The following ERC2 variants were observed in gnomAD, a reference collection of about 807,000 sequenced individuals.
ERC2 encodes the protein ERC protein 2.
Under a neutral mutation model 114.8 loss-of-function variants are expected in ERC2, and 42 were observed. That is an observed-to-expected ratio of 0.37 (90% confidence interval 0.29 to 0.47). ERC2 has a LOEUF of 0.47. ERC2 is among the 20% of genes least tolerant of loss of function. The pLI, the probability that ERC2 is intolerant of heterozygous loss-of-function variation, is 0.99. For missense variants in ERC2, 939 were observed against 1,150.7 expected (o/e 0.82, Z 2.66); for synonymous variants, 454 against 425.5 (o/e 1.07, Z -0.82).
chr3:55,704,140 T>C (rs1016387523), intron 15 of ERC2, among the ~76,000 whole-genome samples: 1 of 152,192 alleles, frequency 6.6e-6, no homozygotes, highest in Non-Finnish European at 1.5e-5. Context: ...TGTGAAAAGG[T>C]GCCAGATACT....
At chr3:55,926,991 T>A (rs889524300) in intron 13 of ERC2, among the ~76,000 whole-genome samples, 1 of 152,196 alleles carries the variant, frequency 6.6e-6, no homozygotes, top group Admixed American at 6.5e-5. Flanking sequence ...TTACTAGCAA[T>A]GCCAGAAATA....
At chr3:56,207,373 C>T (rs1230217406) in intron 3 of ERC2, among the ~76,000 whole-genome samples, 1 of 152,114 alleles carries the variant, frequency 6.6e-6, no homozygotes, top group Non-Finnish European at 1.5e-5. Flanking sequence ...ATTACCTTCA[C>T]TCAGTCTCTT....
At chr3:56,402,595 G>C (rs967665273) in intron 2 of ERC2, among the ~76,000 whole-genome samples, 4 of 152,176 alleles carry the variant, frequency 2.6e-5, no homozygotes, top group African/African-American at 4.8e-5. Context: ...ACAGTGATTA[G>C]GGTCCATCTC....
rs2070066114 is a variant in ERC2, at chr3:55,980,789, TTGG to T, written c.2267+5185_2267+5187del. 2.6e-5 allele frequency among the ~76,000 whole-genome samples: 4 copies of T among 152,236 alleles called. No homozygotes were observed. The South Asian group carries it at 8.3e-4, about 32-fold the overall frequency. On this transcript the variant is annotated intron_variant, in intron 12 of 17. Transcript: ENST00000288221. ...AGATGAATGATTAACTCTTACCGACTTGGTATCTCTTATTCTGGGTCATGACTT... is the reference window on the plus strand; with the variant it reads ...AGATGAATGATTAACTCTTACCGACTTATCTCTTATTCTGGGTCATGACTT...
intron 5 of ERC2, among the ~76,000 whole-genome samples, chr3:56,146,763 G>A (rs2081162920): frequency 6.6e-6 from 1 of 152,118 alleles, no homozygotes. Context: ...CTATACAGCT[G>A]GCAAAGGCAG....
intron 14 of ERC2, among the ~76,000 whole-genome samples, chr3:55,815,512 G>A (rs1168737768): frequency 2.0e-5 from 3 of 152,154 alleles, no homozygotes; most frequent in African/African-American, 7.2e-5. Context: ...ACACAAGAAG[G>A]CAATCAATTC....
At chr3:55,811,735 C>T (rs2059727121) in intron 14 of ERC2, among the ~76,000 whole-genome samples, 1 of 152,188 alleles carries the variant, frequency 6.6e-6, no homozygotes, top group Non-Finnish European at 1.5e-5. Context: ...TCTGACTATG[C>T]ACCCCCAAGG....
intron 7 of ERC2, among the ~76,000 whole-genome samples, chr3:56,049,981 G>C (rs191819310): frequency 6.6e-6 from 1 of 152,062 alleles, no homozygotes. Context: ...CATATCTATG[G>C]GTCCATTTAT....
intron 2 of ERC2, among the ~76,000 whole-genome samples, chr3:56,373,382 A>T (rs1175250832): frequency 6.6e-6 from 1 of 152,206 alleles, no homozygotes; most frequent in Non-Finnish European, 1.5e-5. Context: ...ATAAGCTAAA[A>T]AGAAGGAGGA....
At chr3:56,218,257 A>G (rs531100841) in intron 3 of ERC2, among the ~76,000 whole-genome samples, 1 of 152,340 alleles carries the variant, frequency 6.6e-6, no homozygotes, top group African/African-American at 2.4e-5. Flanking sequence ...AAGGGCTAAT[A>G]TCCAGAATCT....
At chr3:55,868,288 T>G (rs1416326567) in intron 14 of ERC2, among the ~76,000 whole-genome samples, 1 of 152,158 alleles carries the variant, frequency 6.6e-6, no homozygotes, top group Non-Finnish European at 1.5e-5. Flanking sequence ...TCTCCAGATG[T>G]GGAGTGAGTG....
intron 17 of ERC2, among the ~76,000 whole-genome samples, chr3:55,631,138 G>A (rs2059741006): frequency 6.6e-6 from 1 of 152,054 alleles, no homozygotes; most frequent in African/African-American, 2.4e-5. Flanking sequence ...ACACCACATT[G>A]CGAGTAAATT....
At chr3:56,085,978 T>C (rs1425474237) in intron 6 of ERC2, among the ~76,000 whole-genome samples, 1 of 151,962 alleles carries the variant, frequency 6.6e-6, no homozygotes, top group Admixed American at 6.6e-5. Flanking sequence ...ATATGGGAGG[T>C]AGTGAGTGGT....
intron 6 of ERC2, among the ~76,000 whole-genome samples, chr3:56,139,137 A>G (rs1215967067): frequency 2.0e-5 from 3 of 152,174 alleles, no homozygotes; most frequent in Non-Finnish European, 2.9e-5. Flanking sequence ...GGATTTACCA[A>G]ATCTAAAATG....
At chr3:56,032,913 A>AAGAGAGAGAGAGAGAC (rs1560056254) in intron 7 of ERC2, among the ~76,000 whole-genome samples, 88 of 68,548 alleles carry the variant, frequency 1.3e-3, no homozygotes, top group South Asian at 2.3e-3. Context: ...GAAAGAAAGA[A>AAGAGAGAGAGAGAGAC]AGAAAGAAAG....
chr3:56,195,945 C>G (rs182746091), intron 3 of ERC2, among the ~76,000 whole-genome samples: 184 of 152,290 alleles, frequency 1.2e-3, no homozygotes, highest in African/African-American at 4.4e-3. Flanking sequence ...ATCAGGACAG[C>G]AGGGGACAAA....
intron 7 of ERC2, among the ~76,000 whole-genome samples, chr3:56,032,698 A>C (rs931707975): frequency 6.6e-6 from 1 of 151,790 alleles, no homozygotes; most frequent in African/African-American, 2.4e-5. Flanking sequence ...TTACAACAGG[A>C]ACCTTGGAAC....
At chr3:55,945,448 T>C (rs1445312564) in intron 13 of ERC2, among the ~76,000 whole-genome samples, 3 of 152,222 alleles carry the variant, frequency 2.0e-5, no homozygotes, top group Non-Finnish European at 2.9e-5. Context: ...CATTTAGATA[T>C]GAAGCTTAAA....
Position 56,291,974 on chromosome 3 carries a change from A to G in ERC2, c.1074+4045T>C, listed in dbSNP as rs138154856. On this transcript the variant is annotated intron_variant, in intron 3 of 17. Coordinates refer to ENST00000288221, the MANE Select transcript of ERC2 (RefSeq NM_015576.3). ...GGGAAACAACCATTTGTATATTATT[A>G]CGTATTTGGTAGGTCATTAATTAGA... Among the ~76,000 whole-genome samples, 985 of 152,326 alleles carry G rather than the reference A, an allele frequency of 6.5e-3. 2 individuals are homozygous for G. Among genetic ancestry groups the G allele is most frequent in the Non-Finnish European group, 8.5e-3 (578 of 68,032 alleles).
Sources: gnomAD v4.1 joint callset for allele counts (sites outside exome capture counted in the v4.1 genomes callset) on GRCh38, gnomAD v4.1.1 for gene constraint, MANE v1.5 for transcripts, NCBI Gene and HGNC (gene_info 2026-07-23, HGNC 2026-07-21) for gene names.